The following USH1C variants were observed in gnomAD, a reference collection of about 807,000 sequenced individuals.
The protein encoded by USH1C is harmonin.
USH1C carries 90 observed loss-of-function variants against 119.3 expected under a neutral mutation model. The observed-to-expected ratio is 0.75, with a 90% CI of 0.64 to 0.90. The LOEUF is 0.90. USH1C is among the 40% of genes least tolerant of loss of function. The probability of loss-of-function intolerance (pLI) is 0.00; values close to 1 mark genes in which losing one functional copy is unlikely to be tolerated. For missense variants in USH1C, 1,165 were observed against 1,167.7 expected, an observed-to-expected ratio of 1.00 and a Z score of 0.03; for synonymous variants, 465 against 443.3, an observed-to-expected ratio of 1.05 and a Z score of -0.62.
rs1393936941 is a variant in USH1C at position 17,509,620 on chromosome 11, G to A, written c.1749C>T (p.Pro583=). ...ATGAGGCGCTCACATGGCCAGATAAGGGAAGGACAGGGGGCGCCGGGACCT... is the reference window on the plus strand; with the variant it reads ...ATGAGGCGCTCACATGGCCAGATAAAGGAAGGACAGGGGGCGCCGGGACCT... ...PHKVPAPPVL[P]LSGHVSASSS... is the part of the protein sequence containing the mutation. The change falls in exon 18 of 27, where the codon CCC becomes CCT. Residue 583 remains proline (P), a synonymous_variant. Coordinates refer to ENST00000005226, the MANE Select transcript of USH1C (RefSeq NM_153676.4). 1.6e-5 allele frequency: 26 copies of A among 1,596,756 alleles called. No individual in the cohort carries two copies. Among genetic ancestry groups the A allele is most frequent in the Non-Finnish European group, 2.0e-5 (24 of 1,175,128 alleles).
At position 17,512,024 on chromosome 11, in the gene USH1C, C is replaced by T. The variant is rs762275508; in HGVS notation, c.1291G>A (p.Gly431Ser). The T allele has an allele frequency of 6.2e-7, 1 of 1,614,210 alleles. No homozygotes were observed. Among genetic ancestry groups the T allele is most frequent in the Non-Finnish European group, 8.5e-7 (1 of 1,180,038 alleles). The change falls in exon 16 of 27, where the codon GGC becomes AGC. Residue 431 changes from glycine to serine, a missense_variant. Transcript: ENST00000005226. ...TTCTTTCTCAAGTCCTGCAGGCTGC[C>T]ATACTTGGCTTTCTTCTTATCTTTT... ...KGKDKKKAKY[G>S]SLQDLRKNKK... is the part of the protein sequence containing the mutation.
chr11:17,504,830 C>A, intron 19 of USH1C, 133 bp from the exon 20 acceptor site: 3 of 833,766 alleles, frequency 3.6e-6, no homozygotes, highest in Admixed American at 4.0e-5. Flanking sequence ...GTCTGGCTTA[C>A]GTTAAAGGCC....
chr11:17,513,052 T>C (rs1271951220), intron 15 of USH1C, among the ~76,000 whole-genome samples: 1 of 152,208 alleles, frequency 6.6e-6, no homozygotes, highest in Non-Finnish European at 1.5e-5. Flanking sequence ...TTTATCCTCA[T>C]TCTTTGATGA....
chr11:17,505,741 C>G lies in USH1C; in HGVS notation c.2133+89G>C, dbSNP rs573940468. 1.9e-6 allele frequency: 3 copies of G among 1,588,502 alleles called. No homozygotes were observed. The South Asian group carries it at 3.4e-5, about 18-fold the overall frequency. ...TGTGATCTGCATTTTTGTCCCACCT[C>G]ACTTGCCCTCCAGAGACAGCAGAGC... On this transcript the variant is annotated intron_variant, in intron 19 of 26. Coordinates refer to ENST00000005226, the MANE Select transcript of USH1C (RefSeq NM_153676.4).
chr11:17,511,860 T>A, intron 16 of USH1C, 42 bp downstream of exon 16: 1 of 1,593,106 alleles, frequency 6.3e-7, no homozygotes, highest in Non-Finnish European at 8.5e-7. Flanking sequence ...GACCACATTG[T>A]GTCCCAGGGT....
At chr11:17,528,368 G>T (rs1850805371) in intron 4 of USH1C, among the ~76,000 whole-genome samples, 1 of 152,154 alleles carries the variant, frequency 6.6e-6, no homozygotes, top group Non-Finnish European at 1.5e-5. Flanking sequence ...ATCAATTCTG[G>T]AGCTCCTCAT....
At chr11:17,513,304 G>C (rs17714673) in intron 15 of USH1C, among the ~76,000 whole-genome samples, 9,624 of 152,128 alleles carry the variant, frequency 0.063, 430 homozygotes, top group South Asian at 0.23. Context: ...CAATTTCTGG[G>C]GCAAGGAGGA....
intron 23 of USH1C, among the ~76,000 whole-genome samples, chr11:17,498,953 C>G (rs1187438686): frequency 1.3e-5 from 2 of 152,158 alleles, no homozygotes. Context: ...CAAAATAGGA[C>G]CTCAGTAGAT....
intron 16 of USH1C, among the ~76,000 whole-genome samples, chr11:17,511,341 G>T (rs534492370): frequency 2.6e-5 from 4 of 152,056 alleles, no homozygotes; most frequent in African/African-American, 9.7e-5. Flanking sequence ...AGTTGGGTGG[G>T]GGGGGGTCTG....
chr11:17,502,032 C>A, intron 20 of USH1C, 52 bp from the exon 21 acceptor site: 3 of 1,591,292 alleles, frequency 1.9e-6, no homozygotes, highest in Non-Finnish European at 2.6e-6. Context: ...TCTTGAGGGT[C>A]AGAGCCGAGG....
intron 5 of USH1C, 57 bp from the exon 6 acceptor site, chr11:17,527,097 C>CCCCCCGGGG: frequency 7.5e-7 from 1 of 1,330,604 alleles, no homozygotes. Flanking sequence ...TCCCTCCCAC[C>CCCCCCGGGG]GTCATGGAGT....
At chr11:17,524,069 A>T (rs577242001) in intron 9 of USH1C, among the ~76,000 whole-genome samples, 1 of 152,344 alleles carries the variant, frequency 6.6e-6, no homozygotes, top group South Asian at 2.1e-4. Context: ...CGATTTTGGA[A>T]AAATCATATA....
At chr11:17,500,680 C>T (rs1565020760) in intron 23 of USH1C, among the ~76,000 whole-genome samples, 1 of 152,308 alleles carries the variant, frequency 6.6e-6, no homozygotes, top group Admixed American at 6.5e-5. Context: ...CACTCCTGGC[C>T]TCCCATCTCC....
Position 17,497,988 on chromosome 11 carries a change from C to T in USH1C, c.2490+174G>A, listed in dbSNP as rs78299106. On this transcript the variant is annotated intron_variant, in intron 24 of 26. Coordinates refer to ENST00000005226, the MANE Select transcript of USH1C (RefSeq NM_153676.4). The stretch of plus-strand genomic sequence containing the variant: ...GAATTGACATCTATTTTTCTGAATC[C>T]CATCTTGTCAGATTTAAACCACAGG... Among the ~76,000 whole-genome samples the T allele has an allele frequency of 6.2e-3, 942 of 152,278 alleles. 13 individuals are homozygous for T. Among genetic ancestry groups the T allele is most frequent in the African/African-American group, 0.022 (904 of 41,550 alleles).
chr11:17,494,290 G>A lies in USH1C; in HGVS notation c.*42C>T, dbSNP rs16934270. ...GTGTGGCCTCTCTCAAGGCTGATCCGAGGCTTTGTGTTCACGAGGTGGGGC... is the reference window on the plus strand; with the variant it reads ...GTGTGGCCTCTCTCAAGGCTGATCCAAGGCTTTGTGTTCACGAGGTGGGGC... On this transcript the variant is annotated 3_prime_UTR_variant, in exon 27 of 27. Coordinates refer to ENST00000005226, the MANE Select transcript of USH1C (RefSeq NM_153676.4). 9.6e-4 allele frequency: 1,532 copies of A among 1,598,626 alleles called. 13 individuals carry two copies. The African/African-American group carries it at 0.017, about 17-fold the overall frequency.
At chr11:17,538,670 C>T (rs559819060) in intron 1 of USH1C, among the ~76,000 whole-genome samples, 4 of 152,338 alleles carry the variant, frequency 2.6e-5, no homozygotes, top group African/African-American at 9.6e-5. Context: ...GCCTTCTCCA[C>T]CCTGCCCTTT....
intron 2 of USH1C, among the ~76,000 whole-genome samples, chr11:17,532,900 C>T (rs1851050831): frequency 6.6e-6 from 1 of 152,110 alleles, no homozygotes. Flanking sequence ...AGTGGGTGAT[C>T]GGAGACATCT....
At chr11:17,502,034 G>C (rs985057967) in intron 20 of USH1C, 54 bp from the exon 21 acceptor site, 1 of 1,580,900 alleles carries the variant, frequency 6.3e-7, no homozygotes, top group African/African-American at 1.3e-5. Context: ...TTGAGGGTCA[G>C]AGCCGAGGAG....
intron 4 of USH1C, among the ~76,000 whole-genome samples, chr11:17,529,939 A>C (rs540386014): frequency 4.7e-4 from 71 of 152,360 alleles, no homozygotes; most frequent in African/African-American, 1.6e-3. Context: ...GCCTCAGCTG[A>C]CGCCAAGAGA....
Sources: gnomAD v4.1 joint callset for allele counts (sites outside exome capture counted in the v4.1 genomes callset) on GRCh38, gnomAD v4.1.1 for gene constraint, MANE v1.5 for transcripts, NCBI Gene and HGNC (gene_info 2026-07-23, HGNC 2026-07-21) for gene names.